The following POLR1D variants were observed in gnomAD, a reference collection of about 807,000 sequenced individuals.
The protein encoded by POLR1D is RNA polymerase I and III subunit D.
In POLR1D, 8 loss-of-function variants were observed where a neutral mutation model predicts 10.8. The observed-to-expected ratio is 0.74, with a 90% CI of 0.43 to 1.33. The LOEUF (loss-of-function observed/expected upper bound fraction) is 1.33, where lower values mean the gene tolerates loss of function less well. POLR1D is among the 40% of genes most tolerant of loss of function. The probability of loss-of-function intolerance (pLI) is 0.01; values close to 1 mark genes in which losing one functional copy is unlikely to be tolerated. For missense variants in POLR1D, 152 were observed against 161.7 expected, an observed-to-expected ratio of 0.94 and a Z score of 0.32; for synonymous variants, 54 against 57.2, an observed-to-expected ratio of 0.94 and a Z score of 0.25.
At chr13:27,658,831 T>TA (rs1244973480) in intron 2 of POLR1D, among the ~76,000 whole-genome samples, 2 of 152,228 alleles carry the variant, frequency 1.3e-5, no homozygotes, top group African/African-American at 4.8e-5. Context: ...CCAGCTTCAT[T>TA]GTCTACAAAG....
chr13:27,624,361 C>G (rs1243198711), downstream of POLR1D, among the ~76,000 whole-genome samples: 2 of 152,192 alleles, frequency 1.3e-5, no homozygotes, highest in African/African-American at 4.8e-5. Context: ...GTAGTGGACA[C>G]TTAGTAAATA....
chr13:27,628,794 T>C (rs1956043811), intron 1 of POLR1D, among the ~76,000 whole-genome samples: 1 of 152,166 alleles, frequency 6.6e-6, no homozygotes, highest in Non-Finnish European at 1.5e-5. Flanking sequence ...CATGTATGTA[T>C]ATTGGAGGGG....
intron 1 of POLR1D, among the ~76,000 whole-genome samples, chr13:27,637,391 T>C (rs1956134789): frequency 6.6e-6 from 1 of 152,198 alleles, no homozygotes; most frequent in African/African-American, 2.4e-5. Context: ...GCTCTACAAC[T>C]TTGGCCAGCT....
intron 1 of POLR1D, among the ~76,000 whole-genome samples, chr13:27,638,796 T>G (rs2138542851): frequency 6.6e-6 from 1 of 152,280 alleles, no homozygotes; most frequent in African/African-American, 2.4e-5. Context: ...AAAGCTCTTT[T>G]AGGATTAAGA....
chr13:27,640,718 T>G (rs1349027620), intron 1 of POLR1D, among the ~76,000 whole-genome samples: 2 of 152,210 alleles, frequency 1.3e-5, no homozygotes, highest in African/African-American at 4.8e-5. Flanking sequence ...TCATAGATCA[T>G]TTTATTATTT....
rs148420365 is a variant in POLR1D at position 27,637,319 on chromosome 13, T to C, written c.27-11060T>C. Among the ~76,000 whole-genome samples, 29 of 152,360 alleles carry C rather than the reference T, an allele frequency of 1.9e-4. 1 individual carries two copies. In the East Asian group the frequency reaches 5.6e-3, roughly 29 times the overall value. On this transcript the variant is annotated intron_variant, in intron 1 of 2. Transcript: ENST00000399697. ...TTTCAGTTAATCTCTGCAGCCTTTC[T>C]AGTGGTTCCTCCTGTGCTGTTGAAT...
intron 1 of POLR1D, among the ~76,000 whole-genome samples, chr13:27,645,333 G>C (rs1956209635): frequency 6.6e-6 from 1 of 152,046 alleles, no homozygotes; most frequent in South Asian, 2.1e-4. Context: ...GCAGATATTT[G>C]TGGAGGAGAT....
chr13:27,640,878 T>C (rs1243657706), intron 1 of POLR1D, among the ~76,000 whole-genome samples: 1 of 152,166 alleles, frequency 6.6e-6, no homozygotes, highest in Non-Finnish European at 1.5e-5. Context: ...CCTACATGCC[T>C]CTTCCTGTAT....
At chr13:27,648,177 C>T (rs1341508400) in intron 1 of POLR1D, 10 of 426,330 alleles carry the variant, frequency 2.3e-5, no homozygotes, top group Admixed American at 7.3e-5. Context: ...TAATTTTTTT[C>T]TCTTCAATGT....
intron 2 of POLR1D, among the ~76,000 whole-genome samples, chr13:27,659,889 C>T (rs1593294258): frequency 6.9e-6 from 1 of 144,408 alleles, no homozygotes; most frequent in Admixed American, 6.9e-5. Context: ...TAGCATAATG[C>T]GTTGCATATC....
At position 27,623,345 on chromosome 13, in the gene POLR1D, T is replaced by G. The variant is rs1186603663; in HGVS notation, c.*95T>G. On this transcript the variant is annotated 3_prime_UTR_variant, in exon 2 of 2. Transcript: ENST00000302979. ...TTAGAAGTTTGTGGTTACAGCATAC[T>G]CTGTCCTTCAGAAAGGCGTGATTCT... is the stretch of plus-strand genomic sequence containing the variant. 2.5e-6 allele frequency: 4 copies of G among 1,577,100 alleles called. No homozygotes were observed. The highest frequency in any genetic ancestry group is 1.4e-5 in the African/African-American group (1 of 74,036).
rs118191175 is a variant in POLR1D, at chr13:27,665,862, A to G, written c.278A>G (p.His93Arg). The G allele has an allele frequency of 0.017, 27,937 of 1,614,150 alleles. 823 individuals are homozygous for G. Among genetic ancestry groups the G allele is most frequent in the East Asian group, 0.095 (4,265 of 44,880 alleles). Residue 93 changes from histidine (H) to arginine (R), a missense_variant, in exon 3 of 3, where the codon CAC (histidine) becomes CGC (arginine). Transcript: ENST00000399697. ...AAACACAGAAGCCATCCTTACAAGCACAGCTTCCGCGCTCGAGGTTCCGCC... is the reference window on the plus strand; with the variant it reads ...AAACACAGAAGCCATCCTTACAAGCGCAGCTTCCGCGCTCGAGGTTCCGCC...
At chr13:27,624,551 T>C (rs1451774662), downstream of POLR1D, among the ~76,000 whole-genome samples, 1 of 152,046 alleles carries the variant, frequency 6.6e-6, no homozygotes, top group African/African-American at 2.4e-5. Context: ...ATAGCTATAG[T>C]GGATGAGACA....
chr13:27,659,422 G>A (rs538692800), intron 2 of POLR1D, among the ~76,000 whole-genome samples: 3 of 152,198 alleles, frequency 2.0e-5, no homozygotes, highest in Non-Finnish European at 4.4e-5. Context: ...TCAGGCCACA[G>A]AGATCCAAAG....
rs941707696 is a variant in POLR1D at position 27,663,277 on chromosome 13, A to C, written c.102-2409A>C. 2.0e-5 allele frequency among the ~76,000 whole-genome samples: 3 copies of C among 152,146 alleles called. No individual in the cohort carries two copies. Among genetic ancestry groups the C allele is most frequent in the Non-Finnish European group, 4.4e-5 (3 of 68,030 alleles). ...CATCACTTCTAAAATGTGTACTGGC[A>C]TGCCTGGGAGATGTCTGACTTTCAA... On this transcript the variant is annotated intron_variant, in intron 2 of 2. Transcript: ENST00000399697. The surrounding 1 kb of genome is among the most constrained non-coding windows in gnomAD (Gnocchi z 4.1).
At chr13:27,649,213 G>A (rs1291986027) in intron 2 of POLR1D, among the ~76,000 whole-genome samples, 1 of 152,232 alleles carries the variant, frequency 6.6e-6, no homozygotes, top group Non-Finnish European at 1.5e-5. Flanking sequence ...ATGTAAAAAT[G>A]TGAAAAGAGT....
chr13:27,666,140 G>A lies in POLR1D; in HGVS notation c.*187G>A, dbSNP rs17085862. On this transcript the variant is annotated 3_prime_UTR_variant, in exon 3 of 3. Transcript: ENST00000399697. Reference sequence around the variant, plus strand: ...CCTAGCAACTCTTGAGGAAACAAGTGCAAAGGAGGATGTCTTGGCAAGTTT... The same window carrying A: ...CCTAGCAACTCTTGAGGAAACAAGTACAAAGGAGGATGTCTTGGCAAGTTT... The A allele has an allele frequency of 0.098, 58,450 of 595,462 alleles. 4,057 individuals carry two copies. The highest frequency in any genetic ancestry group is 0.27 in the African/African-American group (14,541 of 53,754). The allele number at this position is 595,462 out of a possible 1,614,324, so 36.9% of individuals were successfully genotyped here.
At chr13:27,645,378 A>G (rs73434762) in intron 1 of POLR1D, among the ~76,000 whole-genome samples, 83 of 152,270 alleles carry the variant, frequency 5.5e-4, no homozygotes, top group African/African-American at 2.0e-3. Flanking sequence ...ACCTAGCCTT[A>G]AAAACAGAGG....
At chr13:27,659,199 G>A (rs947523442) in intron 2 of POLR1D, among the ~76,000 whole-genome samples, 20 of 152,164 alleles carry the variant, frequency 1.3e-4, no homozygotes, top group African/African-American at 4.8e-4. Flanking sequence ...ATATTCACAG[G>A]GCACCAGCAG....
Sources: gnomAD v4.1 joint callset for allele counts (sites outside exome capture counted in the v4.1 genomes callset) on GRCh38, gnomAD v4.1.1 for gene constraint, Gnocchi (gnomAD v3.1) non-coding constraint, MANE v1.5 for transcripts, NCBI Gene and HGNC (gene_info 2026-07-23, HGNC 2026-07-21) for gene names.